The following CCDC3 variants were observed in gnomAD, a reference collection of about 807,000 sequenced individuals.
CCDC3 encodes the protein coiled-coil domain containing 3, also known as coiled-coil domain-containing protein 3.
Under a neutral mutation model 21.4 loss-of-function variants are expected in CCDC3, and 24 were observed. That is an observed-to-expected ratio of 1.12 (90% confidence interval 0.81 to 1.58). The LOEUF (loss-of-function observed/expected upper bound fraction) is 1.58. Among genes scored for constraint, CCDC3 ranks in the 40% most tolerant of loss-of-function variants. The pLI, the probability that CCDC3 is intolerant of heterozygous loss-of-function variation, is 0.00. For missense variants in CCDC3, 425 were observed against 360.9 expected (o/e 1.18, Z -1.44); for synonymous variants, 186 against 166.0 (o/e 1.12, Z -0.93).
intron 2 of CCDC3, chr10:13,098,710 A>ATTTTTTTTTTTTTTGTTTTTTTTTT (rs1832667280): frequency 1.5e-5 from 1 of 64,854 alleles, no homozygotes; most frequent in Non-Finnish European, 2.7e-5. Flanking sequence ...TCCTGCACTG[A>ATTTTTTTTTTTTTTGTTTTTTTTTT]TTTTTTTTTT....
chr10:13,000,899 A>C (rs1835839024), intron 1 of CCDC3, among the ~76,000 whole-genome samples: 1 of 152,206 alleles, frequency 6.6e-6, no homozygotes. Flanking sequence ...TTAAAAACCC[A>C]AGTCAAAGGG....
chr10:12,953,160 G>A (rs1835033886), intron 2 of CCDC3, among the ~76,000 whole-genome samples: 1 of 152,198 alleles, frequency 6.6e-6, no homozygotes, highest in South Asian at 2.1e-4. Flanking sequence ...TAGAAGGCAA[G>A]GAGGAGCAAG....
intron 2 of CCDC3, among the ~76,000 whole-genome samples, chr10:12,996,305 C>G (rs1451431208): frequency 6.6e-6 from 1 of 152,172 alleles, no homozygotes; most frequent in Non-Finnish European, 1.5e-5. Flanking sequence ...AAAGTCTAGA[C>G]TGCTGTCAGT....
At chr10:12,938,255 T>C (rs1249975035) in intron 2 of CCDC3, among the ~76,000 whole-genome samples, 1 of 152,192 alleles carries the variant, frequency 6.6e-6, no homozygotes, top group East Asian at 1.9e-4. Context: ...TCACCATCTA[T>C]ACCTCTTCAT....
chr10:12,976,913 A>C (rs1422375415), intron 2 of CCDC3, among the ~76,000 whole-genome samples: 3 of 152,230 alleles, frequency 2.0e-5, no homozygotes, highest in African/African-American at 4.8e-5. Context: ...CAATAGCACT[A>C]GATTATGGTA....
At chr10:13,048,303 T>C (rs1341237265) in intron 5 of CCDC3, among the ~76,000 whole-genome samples, 1 of 152,140 alleles carries the variant, frequency 6.6e-6, no homozygotes, top group African/African-American at 2.4e-5. Flanking sequence ...GCAATTCTCC[T>C]GCCTCAGCCT....
rs1281807484 is a variant in CCDC3, at chr10:13,070,774, G to A, written c.-270+3094C>T. ...CTTGCTGCACTTTATGCAAATAATC[G>A]GGCCAAGTATAAGACTAAAGTCTAT... is the stretch of plus-strand genomic sequence containing the variant. On this transcript the variant is annotated intron_variant, in intron 4 of 6. Coordinates refer to the CCDC3 transcript ENST00000378839. 6.6e-5 allele frequency among the ~76,000 whole-genome samples: 10 copies of A among 152,146 alleles called. No homozygotes were observed. In the East Asian group the frequency reaches 1.2e-3, roughly 18 times the overall value.
rs1588408840 is a variant in CCDC3 at position 13,056,282 on chromosome 10, C to T, written c.-269-6341G>A. Among the ~76,000 whole-genome samples the T allele has an allele frequency of 2.0e-5, 3 of 152,170 alleles. No homozygotes were observed. The East Asian group carries it at 5.8e-4, about 29-fold the overall frequency. On this transcript the variant is annotated intron_variant, in intron 4 of 6. Coordinates refer to the CCDC3 transcript ENST00000378839. ...ACATCAGCTAGTGGAGGGCAAAGAG[C>T]GTGTGAGTTTACAGATGGGGCCTAG...
chr10:12,928,802 T>C (rs903741903), intron 2 of CCDC3, among the ~76,000 whole-genome samples: 5 of 152,190 alleles, frequency 3.3e-5, no homozygotes, highest in African/African-American at 1.2e-4. Flanking sequence ...ATCGTTCTCC[T>C]GTTCCAGCAT....
At chr10:13,096,836 T>C (rs1161534934) in intron 3 of CCDC3, among the ~76,000 whole-genome samples, 1 of 152,008 alleles carries the variant, frequency 6.6e-6, no homozygotes, top group East Asian at 1.9e-4. Flanking sequence ...ATCCCACTCC[T>C]CCTCCCAATC....
intron 2 of CCDC3, among the ~76,000 whole-genome samples, chr10:12,907,704 G>C (rs1260348704): frequency 6.6e-6 from 1 of 152,164 alleles, no homozygotes; most frequent in East Asian, 1.9e-4. Context: ...CTGGGAGCTG[G>C]ATTTAAGGAG....
chr10:13,019,091 G>A (rs1409239826), intron 5 of CCDC3, among the ~76,000 whole-genome samples: 4 of 152,068 alleles, frequency 2.6e-5, no homozygotes, highest in South Asian at 2.1e-4. Context: ...AAAATTAGCC[G>A]GGCGTGGTGG....
At chr10:12,972,138 T>C (rs1298877592) in intron 2 of CCDC3, among the ~76,000 whole-genome samples, 4 of 152,068 alleles carry the variant, frequency 2.6e-5, no homozygotes, top group Non-Finnish European at 4.4e-5. Flanking sequence ...AACCACCACC[T>C]CATGCCATAC....
In CCDC3 at chr10:12,937,804, C is replaced by G. The variant is rs114852066; in HGVS notation, c.550-39125G>C. Among the ~76,000 whole-genome samples the G allele has an allele frequency of 4.2e-3, 638 of 152,294 alleles. 2 individuals carry two copies. Among genetic ancestry groups the G allele is most frequent in the African/African-American group, 0.015 (609 of 41,566 alleles). On this transcript the variant is annotated intron_variant, in intron 2 of 2. Transcript: ENST00000378825. The stretch of plus-strand genomic sequence containing the variant: ...TTGTCCTGGCTCAGATGGGAGGCCA[C>G]TACGGTCCCCTTACAAGAGTACTTC...
chr10:13,043,754 A>T (rs569642795), intron 5 of CCDC3, among the ~76,000 whole-genome samples: 2 of 152,196 alleles, frequency 1.3e-5, no homozygotes, highest in African/African-American at 4.8e-5. Flanking sequence ...CCAGTACAGC[A>T]TTGATGGGTA....
At chr10:12,984,193 C>G (rs1835552253) in intron 2 of CCDC3, among the ~76,000 whole-genome samples, 1 of 152,186 alleles carries the variant, frequency 6.6e-6, no homozygotes, top group Non-Finnish European at 1.5e-5. Context: ...AAACAAGGAA[C>G]TATTACAACT....
At chr10:12,941,492 C>T (rs1339745715) in intron 2 of CCDC3, among the ~76,000 whole-genome samples, 2 of 152,146 alleles carry the variant, frequency 1.3e-5, no homozygotes, top group Non-Finnish European at 2.9e-5. Context: ...TTTCTGGTAA[C>T]AGGTGGGCTT....
rs905824015 is a variant in CCDC3 at position 12,997,773 on chromosome 10, C to A, written c.549+565G>T. Among the ~76,000 whole-genome samples, 50 of 152,292 alleles carry A rather than the reference C, an allele frequency of 3.3e-4. 1 individual carries two copies. Among genetic ancestry groups the A allele is most frequent in the Admixed American group, 3.3e-3 (50 of 15,296 alleles). On this transcript the variant is annotated intron_variant, in intron 2 of 2. Transcript: ENST00000378825. ...TTTAAGCATTACGCTAACGGATTTA[C>A]ATAATTATAGTTTTTACATATTTAA... is the stretch of plus-strand genomic sequence containing the variant.
At chr10:12,977,769 C>T (rs1835437787) in intron 2 of CCDC3, among the ~76,000 whole-genome samples, 2 of 152,178 alleles carry the variant, frequency 1.3e-5, no homozygotes, top group African/African-American at 4.8e-5. Context: ...TTAACAGATG[C>T]ATATCAAGTT....
Sources: gnomAD v4.1 joint callset for allele counts (sites outside exome capture counted in the v4.1 genomes callset) on GRCh38, gnomAD v4.1.1 for gene constraint, MANE v1.5 for transcripts, NCBI Gene and HGNC (gene_info 2026-07-23, HGNC 2026-07-21) for gene names.